Variants in MKRN1 observed in about 807,000 individuals in gnomAD.
The protein encoded by MKRN1 is makorin ring finger protein 1.
MKRN1 carries 9 observed loss-of-function variants against 55.5 expected under a neutral mutation model. The observed-to-expected ratio is 0.16, with a 90% CI of 0.10 to 0.28. MKRN1 has a LOEUF of 0.28. Ranked by LOEUF, MKRN1 falls within the 10% of genes least tolerant of loss-of-function variation. The pLI, the probability that MKRN1 is intolerant of heterozygous loss-of-function variation, is 1.00. For missense variants in MKRN1, 488 were observed against 626.7 expected (o/e 0.78, Z 2.36); for synonymous variants, 253 against 235.9 (o/e 1.07, Z -0.66).
rs1794547320 is a variant in MKRN1, at chr7:140,459,148, CT to C, written c.629del (p.Lys210ArgfsTer119). 6.2e-7 allele frequency: 1 copy of C among 1,613,836 alleles called. No homozygotes were observed. The highest frequency in any genetic ancestry group is 1.7e-5 in the Admixed American group (1 of 59,984). On this transcript the variant is annotated frameshift_variant, in exon 4 of 8. Coordinates refer to ENST00000255977, the MANE Select transcript of MKRN1 (RefSeq NM_013446.4). LOFTEE classifies it high-confidence loss of function. ...CTGCAGCATAGGGGCACAGCTGCTT[CT>C]TTGTCTCCACGGCGGTTTGCTCTTT... ...SEKEQTAVET[K>X]KQLCPYAAVG...
chr7:140,478,974 G>C (rs999222463), intron 1 of MKRN1, 186 bp downstream of exon 1: 7 of 679,786 alleles, frequency 1.0e-5, no homozygotes, highest in East Asian at 8.0e-5. Context: ...CCCAGCGGGG[G>C]TTGACGCAGT....
chr7:140,478,892 C>T, intron 1 of MKRN1: 1 of 305,454 alleles, frequency 3.3e-6, no homozygotes. Flanking sequence ...GTGTAAGCGG[C>T]GGTGCAGCCC....
intron 2 of MKRN1, among the ~76,000 whole-genome samples, chr7:140,470,634 G>C (rs913014045): frequency 2.0e-5 from 3 of 151,376 alleles, no homozygotes; most frequent in African/African-American, 7.3e-5. Context: ...AAACAATGCT[G>C]GCTGGGCACT....
chr7:140,473,524 A>G (rs1794996881), intron 1 of MKRN1, among the ~76,000 whole-genome samples: 1 of 152,216 alleles, frequency 6.6e-6, no homozygotes, highest in African/African-American at 2.4e-5. Flanking sequence ...CAAATTATAG[A>G]ATAGATAAGG....
At chr7:140,466,862 G>A (rs1563092775) in intron 2 of MKRN1, among the ~76,000 whole-genome samples, 1 of 151,578 alleles carries the variant, frequency 6.6e-6, no homozygotes, top group Non-Finnish European at 1.5e-5. Context: ...GGAGGTGGTG[G>A]TTGCAGTGAG....
At chr7:140,455,504 T>A in intron 6 of MKRN1, 1 of 566,364 alleles carries the variant, frequency 1.8e-6, no homozygotes, top group East Asian at 2.9e-5. Context: ...CATGAGAACA[T>A]AGGACAGCTA....
intron 5 of MKRN1, 181 bp from the exon 6 acceptor site, chr7:140,456,081 C>T: frequency 9.9e-7 from 1 of 1,010,700 alleles, no homozygotes; most frequent in Non-Finnish European, 1.3e-6. Context: ...AGGCAACCTC[C>T]TTTATAAATC....
In MKRN1 at chr7:140,458,991, C is replaced by G; in HGVS notation, c.771+16G>C. ...TTCTCACATCTAATAACACACACAT[C>G]TCCCTAAAGACTTACTTTGATATGC... On this transcript the variant is annotated intron_variant, in intron 4 of 7. Transcript: ENST00000255977. 6.2e-7 allele frequency: 1 copy of G among 1,611,592 alleles called. No homozygotes were observed. Among genetic ancestry groups the G allele is most frequent in the Non-Finnish European group, 8.5e-7 (1 of 1,177,800 alleles).
intron 2 of MKRN1, among the ~76,000 whole-genome samples, chr7:140,463,846 G>A (rs936361105): frequency 2.2e-4 from 34 of 151,678 alleles, no homozygotes; most frequent in African/African-American, 7.5e-4. Flanking sequence ...CTGAGATCGC[G>A]CCACTGCACT....
At chr7:140,461,520 C>T (rs1173405081) in intron 2 of MKRN1, among the ~76,000 whole-genome samples, 1 of 151,970 alleles carries the variant, frequency 6.6e-6, no homozygotes. Flanking sequence ...GTAATACCAG[C>T]TACTCAGGAG....
chr7:140,462,367 AT>A (rs1794647224), intron 2 of MKRN1, among the ~76,000 whole-genome samples: 1 of 152,208 alleles, frequency 6.6e-6, no homozygotes, highest in African/African-American at 2.4e-5. Flanking sequence ...CATATAGTAA[AT>A]TTAACTGTGC....
chr7:140,461,501 C>T (rs991367312), intron 2 of MKRN1, among the ~76,000 whole-genome samples: 3 of 152,134 alleles, frequency 2.0e-5, no homozygotes, highest in African/African-American at 7.2e-5. Context: ...GGCATGGTGG[C>T]GCACACCTGT....
intron 2 of MKRN1, among the ~76,000 whole-genome samples, chr7:140,470,929 A>C (rs751211854): frequency 1.3e-5 from 2 of 151,938 alleles, no homozygotes; most frequent in Non-Finnish European, 2.9e-5. Flanking sequence ...CACACACACA[A>C]AAAATATCCT....
intron 3 of MKRN1, 28 bp from the exon 4 acceptor site, chr7:140,459,261 G>A: frequency 6.2e-7 from 1 of 1,606,582 alleles, no homozygotes; most frequent in Non-Finnish European, 8.5e-7. Flanking sequence ...GGTGGTAAAG[G>A]TCCAAATAGA....
At chr7:140,459,538 A>G (rs1313293058) in intron 3 of MKRN1, among the ~76,000 whole-genome samples, 169 bp downstream of exon 3, 1 of 152,236 alleles carries the variant, frequency 6.6e-6, no homozygotes, top group Non-Finnish European at 1.5e-5. Context: ...TGGGATTAAA[A>G]ATTTCCTTCA....
intron 2 of MKRN1, among the ~76,000 whole-genome samples, chr7:140,461,771 G>T (rs560880962): frequency 5.3e-5 from 8 of 152,118 alleles, no homozygotes; most frequent in African/African-American, 1.9e-4. Context: ...ATCACCTGAG[G>T]TTGGGAGTTC....
rs1297945935 is a variant in MKRN1, at chr7:140,453,582, T to C, written c.*935A>G. On this transcript the variant is annotated 3_prime_UTR_variant, in exon 8 of 8. Transcript: ENST00000255977. Reference sequence around the variant, plus strand: ...ATCCAAGACCCAGTTTGTGTTATTATATGGGATAACCAGGTAGTTTTAACC... The same window carrying C: ...ATCCAAGACCCAGTTTGTGTTATTACATGGGATAACCAGGTAGTTTTAACC... The C allele has an allele frequency of 1.3e-5, 2 of 152,560 alleles. No individual in the cohort carries two copies. Among genetic ancestry groups the C allele is most frequent in the Non-Finnish European group, 2.9e-5 (2 of 68,052 alleles). 9.5% of individuals were successfully genotyped at this position (152,560 alleles called of 1,614,324 possible). A position where few individuals can be genotyped will look rare whatever the true frequency, so the allele number is the denominator to read the frequency against.
At chr7:140,479,017 G>A in intron 1 of MKRN1, 143 bp downstream of exon 1, 2 of 1,040,580 alleles carry the variant, frequency 1.9e-6, no homozygotes, top group Non-Finnish European at 2.4e-6. Context: ...CGGGGGCCGC[G>A]AGGGCTGCAG....
chr7:140,475,555 TG>T (rs1217703443), intron 1 of MKRN1, among the ~76,000 whole-genome samples: 1 of 151,894 alleles, frequency 6.6e-6, no homozygotes, highest in Non-Finnish European at 1.5e-5. Flanking sequence ...TTCCAGCTAC[TG>T]GGGAGGTTCA....
Sources: allele counts gnomAD v4.1 joint callset (sites outside exome capture counted in the v4.1 genomes callset), GRCh38; gene constraint gnomAD v4.1.1; transcripts MANE v1.5; gene names NCBI Gene and HGNC (gene_info 2026-07-23, HGNC 2026-07-21).